The following S100PBP variants were observed in gnomAD, a reference collection of about 807,000 sequenced individuals.
S100PBP encodes S100P binding protein.
In S100PBP, 15 loss-of-function variants were observed where a neutral mutation model predicts 39.9. The ratio of observed to expected loss-of-function variants is 0.38; its 90% CI spans 0.25 to 0.58. The LOEUF is 0.58. S100PBP is among the 20% of genes least tolerant of loss of function. The pLI is 0.70. For synonymous variants in S100PBP, 178 were observed against 180.3 expected (o/e 0.99, Z 0.10); for missense variants, 504 against 487.3 (o/e 1.03, Z -0.32).
intron 1 of S100PBP, among the ~76,000 whole-genome samples, chr1:32,823,360 C>T (rs1393183634): frequency 6.6e-6 from 1 of 152,186 alleles, no homozygotes; most frequent in Non-Finnish European, 1.5e-5. Context: ...ATGAATAACT[C>T]AGTCACTAAT....
chr1:32,840,814 T>C (rs1640053175), intron 5 of S100PBP, among the ~76,000 whole-genome samples: 1 of 152,204 alleles, frequency 6.6e-6, no homozygotes, highest in Non-Finnish European at 1.5e-5. Context: ...CATGTGCTTA[T>C]TTGCCACCTG....
chr1:32,826,052 A>C, intron 2 of S100PBP, 46 bp from the exon 3 acceptor site: 1 of 1,377,286 alleles, frequency 7.3e-7, no homozygotes, highest in Non-Finnish European at 1.0e-6. Flanking sequence ...GAGTTGGTAT[A>C]AGGTTATTTT....
intron 5 of S100PBP, among the ~76,000 whole-genome samples, chr1:32,831,551 C>G (rs983202128): frequency 6.6e-6 from 1 of 151,984 alleles, no homozygotes; most frequent in Non-Finnish European, 1.5e-5. Flanking sequence ...AGACATCAGT[C>G]AGAAGAATTT....
At chr1:32,819,238 G>T (rs1336614823) in intron 1 of S100PBP, among the ~76,000 whole-genome samples, 1 of 152,024 alleles carries the variant, frequency 6.6e-6, no homozygotes, top group African/African-American at 2.4e-5. Context: ...CTAAGAAATA[G>T]AATTAGAAGA....
chr1:32,849,302 C>T (rs1035500750), intron 5 of S100PBP, among the ~76,000 whole-genome samples: 1 of 152,034 alleles, frequency 6.6e-6, no homozygotes, highest in Non-Finnish European at 1.5e-5. Context: ...TGTACTACCA[C>T]ACCCGGGTAC....
intron 1 of S100PBP, among the ~76,000 whole-genome samples, chr1:32,822,227 C>G (rs1210501667): frequency 6.6e-6 from 1 of 152,102 alleles, no homozygotes; most frequent in African/African-American, 2.4e-5. Context: ...AGTTGATAGT[C>G]ATTGGGGTTG....
chr1:32,827,961 C>A (rs768963620), intron 3 of S100PBP, 32 bp from the exon 4 acceptor site: 9 of 1,422,352 alleles, frequency 6.3e-6, no homozygotes, highest in African/African-American at 1.4e-5. Context: ...TAAGAATCAC[C>A]TTTCCTTTTG....
intron 5 of S100PBP, among the ~76,000 whole-genome samples, chr1:32,841,695 C>T (rs1387610166): frequency 6.9e-6 from 1 of 144,346 alleles, no homozygotes; most frequent in Non-Finnish European, 1.5e-5. Context: ...CACCATTGCA[C>T]TCCAGCCTGG....
At chr1:32,844,382 T>G (rs974447626) in intron 5 of S100PBP, among the ~76,000 whole-genome samples, 1 of 152,146 alleles carries the variant, frequency 6.6e-6, no homozygotes, top group African/African-American at 2.4e-5. Context: ...CATTTGGAAC[T>G]GGGCACGGTG....
chr1:32,832,655 C>G (rs146886276), intron 5 of S100PBP, among the ~76,000 whole-genome samples: 3 of 152,116 alleles, frequency 2.0e-5, no homozygotes, highest in African/African-American at 4.8e-5. Flanking sequence ...TGTTCTTCAC[C>G]TTTCCTCCAT....
At chr1:32,841,462 G>T in intron 5 of S100PBP, among the ~76,000 whole-genome samples, 1 of 151,996 alleles carries the variant, frequency 6.6e-6, no homozygotes, top group Non-Finnish European at 1.5e-5. Context: ...GGAAGCAGTG[G>T]CTCACACCTG....
At chr1:32,845,655 C>A (rs1640332997) in intron 5 of S100PBP, among the ~76,000 whole-genome samples, 1 of 151,756 alleles carries the variant, frequency 6.6e-6, no homozygotes, top group Non-Finnish European at 1.5e-5. Context: ...CTAGCTGCAT[C>A]CCACACATTT....
chr1:32,833,582 G>T (rs953672942), intron 5 of S100PBP, among the ~76,000 whole-genome samples: 1 of 151,718 alleles, frequency 6.6e-6, no homozygotes, highest in Non-Finnish European at 1.5e-5. Context: ...GGCTGGTCTC[G>T]AACTCCTGGC....
rs1640906827 is a variant in S100PBP, at chr1:32,858,768, G to A, written c.*2730G>A. Reference sequence around the variant, plus strand: ...AGGCCCTGATTTACTGGCGTTGTCAGTTTCAATTATGAAACTGAAGTTTGG... The same window carrying A: ...AGGCCCTGATTTACTGGCGTTGTCAATTTCAATTATGAAACTGAAGTTTGG... On this transcript the variant is annotated 3_prime_UTR_variant, in exon 7 of 7. Transcript: ENST00000373475. The A allele has an allele frequency of 6.6e-6, 1 of 152,144 alleles. No individual in the cohort carries two copies. Among genetic ancestry groups the A allele is most frequent in the South Asian group, 2.1e-4 (1 of 4,824 alleles). 9.4% of individuals were successfully genotyped at this position (152,144 alleles called of 1,614,324 possible).
At chr1:32,837,834 TGAG>T in intron 5 of S100PBP, among the ~76,000 whole-genome samples, 1 of 152,128 alleles carries the variant, frequency 6.6e-6, no homozygotes, top group East Asian at 1.9e-4. Flanking sequence ...TTTTTATTGC[TGAG>T]TAGTATTCCA....
chr1:32,845,623 A>G (rs548084980), intron 5 of S100PBP, among the ~76,000 whole-genome samples: 2 of 151,860 alleles, frequency 1.3e-5, no homozygotes, highest in South Asian at 4.2e-4. Flanking sequence ...ATTTTAAGCC[A>G]TAGGCTCCCC....
chr1:32,855,896 C>G, intron 6 of S100PBP, 28 bp from the exon 7 acceptor site: 1 of 1,512,076 alleles, frequency 6.6e-7, no homozygotes, highest in Non-Finnish European at 9.1e-7. Context: ...AAATAGCCTT[C>G]CTGTTTGTAC....
intron 5 of S100PBP, among the ~76,000 whole-genome samples, chr1:32,851,406 C>G (rs1360440282): frequency 6.6e-6 from 1 of 152,170 alleles, no homozygotes; most frequent in South Asian, 2.1e-4. Context: ...TAACTCACGC[C>G]TGTAATCCCA....
intron 1 of S100PBP, among the ~76,000 whole-genome samples, chr1:32,822,382 G>A (rs977033340): frequency 6.6e-6 from 1 of 152,060 alleles, no homozygotes; most frequent in Admixed American, 6.6e-5. Flanking sequence ...GGAGGCCGAG[G>A]CGGGCGGATC....
Sources: allele counts gnomAD v4.1 joint callset (sites outside exome capture counted in the v4.1 genomes callset), GRCh38; gene constraint gnomAD v4.1.1; transcripts MANE v1.5; gene names NCBI Gene and HGNC (gene_info 2026-07-23, HGNC 2026-07-21).